ATP8B4: variants seen among roughly 807,000 people sequenced by gnomAD.
ATP8B4 encodes the protein ATPase phospholipid transporting 8B4 (putative), also known as probable phospholipid-transporting ATPase IM.
A neutral mutation model predicts 145.6 loss-of-function variants in ATP8B4; 133 were observed. That is an observed-to-expected ratio of 0.91 (90% CI 0.79 to 1.05). The LOEUF (loss-of-function observed/expected upper bound fraction) is 1.05, where lower values mean the gene tolerates loss of function less well. Among genes scored for constraint, ATP8B4 ranks in the 50% least tolerant of loss-of-function variants. The pLI is 0.00. For missense variants in ATP8B4, 1,458 were observed against 1,425.2 expected, an observed-to-expected ratio of 1.02 and a Z score of -0.37; for synonymous variants, 507 against 492.9, an observed-to-expected ratio of 1.03 and a Z score of -0.38.
intron 12 of ATP8B4, 36 bp from the exon 13 acceptor site, chr15:49,972,826 G>T (rs1235533096): frequency 2.5e-6 from 4 of 1,592,516 alleles, no homozygotes; most frequent in Non-Finnish European, 2.6e-6. Context: ...AGAAAGAAAT[G>T]CTCCATTAAT....
At chr15:49,904,854 C>A (rs554996281) in intron 20 of ATP8B4, among the ~76,000 whole-genome samples, 6 of 152,300 alleles carry the variant, frequency 3.9e-5, no homozygotes, top group African/African-American at 7.2e-5. Flanking sequence ...CACTGGGATA[C>A]TTCTTAGAAG....
chr15:50,142,120 GA>G (rs1388095748), intron 1 of ATP8B4, among the ~76,000 whole-genome samples: 1 of 152,176 alleles, frequency 6.6e-6, no homozygotes, highest in Admixed American at 6.5e-5. Flanking sequence ...AATATAACTA[GA>G]AACACTGGTT....
rs976718554 is a variant in ATP8B4 at position 49,890,426 on chromosome 15, C to T, written c.2697+6866G>A. On this transcript the variant is annotated intron_variant, in intron 23 of 27. Coordinates refer to ENST00000284509, the MANE Select transcript of ATP8B4 (RefSeq NM_024837.4). ...TTAAAGCAGTTTAGGAGAGGGGTGG[C>T]AGGGAGTGGGAAGACCTCAGACAGC... Among the ~76,000 whole-genome samples the T allele has an allele frequency of 4.6e-5, 7 of 152,246 alleles. No homozygotes were observed. The South Asian group carries it at 1.4e-3, about 32-fold the overall frequency.
At chr15:49,911,229 C>T (rs900285010) in intron 20 of ATP8B4, among the ~76,000 whole-genome samples, 6 of 151,924 alleles carry the variant, frequency 3.9e-5, no homozygotes, top group African/African-American at 1.4e-4. Flanking sequence ...TCCAGATGGC[C>T]TGGATCTGGA....
intron 10 of ATP8B4, among the ~76,000 whole-genome samples, chr15:49,985,706 C>G (rs1187135563): frequency 6.6e-6 from 1 of 152,110 alleles, no homozygotes; most frequent in Non-Finnish European, 1.5e-5. Context: ...GTCCAGAGAG[C>G]AGTAAGTTTT....
At chr15:49,860,555 G>A in intron 27 of ATP8B4, 80 bp from the exon 28 acceptor site, 4 of 1,422,344 alleles carry the variant, frequency 2.8e-6, no homozygotes, top group Non-Finnish European at 3.7e-6. Flanking sequence ...TAAAGTGAAA[G>A]CCTTTTTTTT....
intron 9 of ATP8B4, among the ~76,000 whole-genome samples, chr15:49,990,736 A>G (rs776857447): frequency 3.3e-5 from 5 of 152,162 alleles, no homozygotes; most frequent in Non-Finnish European, 7.4e-5. Context: ...TTTTCCAGAG[A>G]AGCTGGCTTC....
At chr15:49,873,535 T>C (rs1052569321) in intron 25 of ATP8B4, among the ~76,000 whole-genome samples, 1 of 152,200 alleles carries the variant, frequency 6.6e-6, no homozygotes, top group Admixed American at 6.5e-5. Context: ...AAATTATATA[T>C]ATATAATCCG....
chr15:50,029,238 T>TAAAAAAAAAAAAAAAAAAAAAAAAAA (rs58363112), intron 6 of ATP8B4, among the ~76,000 whole-genome samples: 3 of 76,616 alleles, frequency 3.9e-5, no homozygotes, highest in South Asian at 5.6e-4. Context: ...GACTCCATCT[T>TAAAAAAAAAAAAAAAAAAAAAAAAAA]AAAAAAAAAA....
chr15:49,994,784 G>A (rs8029355), intron 9 of ATP8B4, among the ~76,000 whole-genome samples: 27,871 of 151,922 alleles, frequency 0.18, 2,887 homozygotes, highest in African/African-American at 0.27. Flanking sequence ...ACATGGCCAC[G>A]ATTCTTGAAG....
intron 14 of ATP8B4, among the ~76,000 whole-genome samples, chr15:49,939,685 C>A (rs2042010716): frequency 6.6e-6 from 1 of 152,138 alleles, no homozygotes; most frequent in Non-Finnish European, 1.5e-5. Context: ...TACAGAAAAG[C>A]TGGTACCAAT....
intron 1 of ATP8B4, among the ~76,000 whole-genome samples, chr15:50,146,076 G>A (rs1048115829): frequency 1.3e-5 from 2 of 148,516 alleles, no homozygotes; most frequent in Non-Finnish European, 3.0e-5. Flanking sequence ...GCAGGAGCGC[G>A]ATCTCGGGTC....
chr15:49,979,819 A>C lies in ATP8B4; in HGVS notation c.838-6T>G. The C allele has an allele frequency of 6.4e-7, 1 of 1,568,006 alleles. No individual in the cohort carries two copies. The highest frequency in any genetic ancestry group is 1.1e-5 in the South Asian group (1 of 87,210). ...CATATCAGAAACCCAAAAATCTGAA[A>C]TAAGATAGAAGTGTGGTTAAGGTTA... On this transcript the variant is annotated splice_polypyrimidine_tract_variant and splice_region_variant and intron_variant, in intron 11 of 27. Transcript: ENST00000284509.
At chr15:50,158,527 G>A (rs1170404430) in intron 1 of ATP8B4, among the ~76,000 whole-genome samples, 1 of 149,252 alleles carries the variant, frequency 6.7e-6, no homozygotes, top group Non-Finnish European at 1.5e-5. Flanking sequence ...CCGGGAGGTG[G>A]GGGGCGCCTC....
intron 1 of ATP8B4, among the ~76,000 whole-genome samples, chr15:50,129,036 C>A (rs1018161673): frequency 6.6e-6 from 1 of 152,136 alleles, no homozygotes; most frequent in South Asian, 2.1e-4. Flanking sequence ...TCATTGCACT[C>A]CAGCCTGGGT....
At chr15:50,050,676 T>C (rs945908867) in intron 3 of ATP8B4, among the ~76,000 whole-genome samples, 1 of 151,922 alleles carries the variant, frequency 6.6e-6, no homozygotes, top group African/African-American at 2.4e-5. Flanking sequence ...CCAATAAAGC[T>C]ATGGCAAACT....
intron 1 of ATP8B4, among the ~76,000 whole-genome samples, chr15:50,127,626 C>T (rs1311934476): frequency 6.6e-6 from 1 of 152,206 alleles, no homozygotes; most frequent in African/African-American, 2.4e-5. Context: ...GCAACCTAGA[C>T]GCATTCTCTC....
intron 23 of ATP8B4, among the ~76,000 whole-genome samples, chr15:49,887,701 C>T (rs1335955940): frequency 6.6e-6 from 1 of 151,428 alleles, no homozygotes; most frequent in Non-Finnish European, 1.5e-5. Flanking sequence ...ATTTTTCCAA[C>T]TTCACTGTTT....
At chr15:50,056,453 C>A (rs1239004975) in intron 3 of ATP8B4, among the ~76,000 whole-genome samples, 1 of 152,068 alleles carries the variant, frequency 6.6e-6, no homozygotes, top group African/African-American at 2.4e-5. Flanking sequence ...AGAGCAAGAG[C>A]ACCTTGCCTG....
Sources: allele counts gnomAD v4.1 joint callset (sites outside exome capture counted in the v4.1 genomes callset), GRCh38; gene constraint gnomAD v4.1.1; transcripts MANE v1.5; gene names NCBI Gene and HGNC (gene_info 2026-07-23, HGNC 2026-07-21).